Variants in RUNX1 observed in about 807,000 individuals in gnomAD.
RUNX1 encodes RUNX family transcription factor 1.
A neutral mutation model predicts 42.8 loss-of-function variants in RUNX1; 19 were observed. That is an observed-to-expected ratio of 0.44 (90% CI 0.31 to 0.65). The LOEUF is 0.65. Among genes scored for constraint, RUNX1 ranks in the 30% least tolerant of loss-of-function variants. RUNX1 has a pLI of 0.07. For synonymous variants in RUNX1, 271 were observed against 289.4 expected (o/e 0.94, Z 0.64); for missense variants, 528 against 672.0 (o/e 0.79, Z 2.37).
chr21:34,966,608 G>A (rs1174370745), intron 2 of RUNX1, among the ~76,000 whole-genome samples: 1 of 152,170 alleles, frequency 6.6e-6, no homozygotes, highest in East Asian at 1.9e-4. Flanking sequence ...GACATTCAGA[G>A]AAGGCTTCAC....
chr21:34,795,334 C>G lies in RUNX1; in HGVS notation c.968-2724G>C, dbSNP rs1030978709. On this transcript the variant is annotated intron_variant, in intron 8 of 8. Transcript: ENST00000675419. Reference sequence around the variant, plus strand: ...AGCAGGGAGAGCTAGTGTGTTTTCTCTCTCTCTCGCTCGCTCTCTCGTCTC... The same window carrying G: ...AGCAGGGAGAGCTAGTGTGTTTTCTGTCTCTCTCGCTCGCTCTCTCGTCTC... Among the ~76,000 whole-genome samples the G allele has an allele frequency of 3.3e-5, 5 of 152,144 alleles. No individual in the cohort carries two copies. In the East Asian group the frequency reaches 9.6e-4, roughly 29 times the overall value.
intron 2 of RUNX1, among the ~76,000 whole-genome samples, chr21:34,968,557 A>T (rs1458927568): frequency 4.0e-5 from 6 of 151,846 alleles, no homozygotes; most frequent in African/African-American, 1.5e-4. Context: ...CAAGACTAAG[A>T]CCCTCTAGAA....
intron 4 of RUNX1, among the ~76,000 whole-genome samples, chr21:34,883,624 AG>A (rs2057938321): frequency 6.6e-6 from 1 of 152,220 alleles, no homozygotes; most frequent in African/African-American, 2.4e-5. Flanking sequence ...CAAACAGGCA[AG>A]AAGGGACTTG....
chr21:34,942,696 C>A (rs2058536607), intron 2 of RUNX1, among the ~76,000 whole-genome samples: 1 of 152,102 alleles, frequency 6.6e-6, no homozygotes, highest in Non-Finnish European at 1.5e-5. Context: ...GCTAATGTAC[C>A]CTTTCCATGG....
intron 4 of RUNX1, among the ~76,000 whole-genome samples, chr21:34,885,273 A>C (rs1447133077): frequency 6.6e-6 from 1 of 152,068 alleles, no homozygotes; most frequent in African/African-American, 2.4e-5. Context: ...TCTTTATCTG[A>C]TAGTGACCCC....
intron 3 of RUNX1, among the ~76,000 whole-genome samples, chr21:34,889,342 C>T (rs2058047503): frequency 1.3e-5 from 2 of 152,120 alleles, no homozygotes; most frequent in South Asian, 2.1e-4. Flanking sequence ...CCGCGCGTGC[C>T]GTTTGCTCTC....
At chr21:35,022,886 ACT>A (rs2059209184) in intron 2 of RUNX1, among the ~76,000 whole-genome samples, 1 of 64,344 alleles carries the variant, frequency 1.6e-5, no homozygotes, top group South Asian at 3.4e-4. Flanking sequence ...CATGAATGAT[ACT>A]CTGTTTGAAT....
chr21:34,876,676 C>T (rs1005824628), intron 5 of RUNX1, among the ~76,000 whole-genome samples: 2 of 152,002 alleles, frequency 1.3e-5, no homozygotes, highest in South Asian at 4.2e-4. Flanking sequence ...AAGAAATGTG[C>T]AGTAGACCAT....
chr21:34,895,527 T>C (rs1270722743), intron 2 of RUNX1, among the ~76,000 whole-genome samples: 1 of 152,122 alleles, frequency 6.6e-6, no homozygotes, highest in Non-Finnish European at 1.5e-5. Context: ...ATTTTTGACT[T>C]GACTTTTGGA....
rs937059549 is a variant in RUNX1, at chr21:34,792,587, T to G, written c.991A>C (p.Ser331Arg). 1 of 1,599,414 alleles carries G rather than the reference T, an allele frequency of 6.3e-7. No homozygotes were observed. Among genetic ancestry groups the G allele is most frequent in the Non-Finnish European group, 8.5e-7 (1 of 1,173,414 alleles). Reference protein sequence around the residue: ...LSTAPDLTAFSDPRQFPALPS... With the variant: ...LSTAPDLTAFRDPRQFPALPS... ...AGCGCGGGGAACTGGCGCGGGTCGC[T>G]GAACGCTGTCAGGTCGGGTGCCGCT... Residue 331 changes from serine (S) to arginine (R), a missense_variant, in exon 9 of 9, where the codon AGC becomes CGC. This residue lies in a region of RUNX1 where 331 missense variants were observed against 382.5 expected (regional missense o/e 0.87). Transcript: ENST00000675419. This position sits in a 1 kb window ranked among gnomAD's most constrained non-coding sequence, Gnocchi z 6.9.
At chr21:34,941,275 T>C (rs369687764) in intron 2 of RUNX1, among the ~76,000 whole-genome samples, 384 of 152,364 alleles carry the variant, frequency 2.5e-3, no homozygotes, top group African/African-American at 8.7e-3. Flanking sequence ...TCCCTGCTGA[T>C]GCTAACCGTA....
At position 34,790,398 on chromosome 21, in the gene RUNX1, T is replaced by C. The variant is rs1438863775; in HGVS notation, c.*1737A>G. On this transcript the variant is annotated 3_prime_UTR_variant, in exon 9 of 9. Transcript: ENST00000675419. ...TCTTCAGAGTTGACCTGAAATCGTT[T>C]CAACGAATTTTAAGAGGTACGTTAA... is the stretch of plus-strand genomic sequence containing the variant. 2 of 233,586 alleles carry C rather than the reference T, an allele frequency of 8.6e-6. No homozygotes were observed. Among genetic ancestry groups the C allele is most frequent in the Non-Finnish European group, 1.7e-5 (2 of 118,052 alleles). The allele number at this position is 233,586 out of a possible 1,614,324, so 14.5% of individuals were successfully genotyped here.
chr21:34,963,583 G>T (rs984667137), intron 2 of RUNX1, among the ~76,000 whole-genome samples: 2 of 152,122 alleles, frequency 1.3e-5, no homozygotes, highest in Admixed American at 1.3e-4. Context: ...GAGAAGAAAA[G>T]ACCTGAAATA....
intron 2 of RUNX1, among the ~76,000 whole-genome samples, chr21:35,041,192 G>A (rs968510768): frequency 5.9e-5 from 9 of 152,232 alleles, no homozygotes; most frequent in African/African-American, 2.2e-4. Flanking sequence ...AAAGTTGGAT[G>A]TTGGCAAAGA....
intron 3 of RUNX1, chr21:34,887,863 G>C (rs564870811): frequency 1.5e-5 from 16 of 1,064,876 alleles, no homozygotes; most frequent in Non-Finnish European, 1.8e-5. Flanking sequence ...TACTTGTCAT[G>C]TTCTCTGTTC....
chr21:34,819,337 C>T (rs1256313770), intron 7 of RUNX1, among the ~76,000 whole-genome samples: 1 of 152,194 alleles, frequency 6.6e-6, no homozygotes, highest in African/African-American at 2.4e-5. Context: ...AAGAGCCACA[C>T]GCTATGGGAG....
intron 2 of RUNX1, among the ~76,000 whole-genome samples, chr21:35,046,209 C>T (rs1601708995): frequency 2.0e-5 from 3 of 152,170 alleles, no homozygotes; most frequent in East Asian, 3.8e-4. Flanking sequence ...GAAAAAGCCC[C>T]GAGTTCTCTG....
chr21:34,822,027 C>T (rs566989165), intron 7 of RUNX1, among the ~76,000 whole-genome samples: 12 of 152,326 alleles, frequency 7.9e-5, no homozygotes, highest in Non-Finnish European at 1.3e-4. Flanking sequence ...TATAAAGGCT[C>T]CTTCCAAATA....
intron 2 of RUNX1, among the ~76,000 whole-genome samples, chr21:34,968,519 T>C (rs9974986): frequency 0.62 from 94,263 of 151,930 alleles, 29,712 homozygotes; most frequent in Admixed American, 0.69. Context: ...TTACCGCTCC[T>C]CAGTGGCCTC....
Sources: gnomAD v4.1 joint callset for allele counts (sites outside exome capture counted in the v4.1 genomes callset) on GRCh38, gnomAD v4.1.1 for gene constraint, gnomAD v4.1.1 regional missense constraint, Gnocchi (gnomAD v3.1) non-coding constraint, MANE v1.5 for transcripts, NCBI Gene and HGNC (gene_info 2026-07-23, HGNC 2026-07-21) for gene names.